DYNC2H1: variants seen among roughly 807,000 people sequenced by gnomAD.
DYNC2H1 encodes dynein cytoplasmic 2 heavy chain 1, also known as cytoplasmic dynein 2 heavy chain 1.
A neutral mutation model predicts 570.0 loss-of-function variants in DYNC2H1; 410 were observed. The ratio of observed to expected loss-of-function variants is 0.72; its 90% CI spans 0.66 to 0.78. DYNC2H1 has a LOEUF of 0.78. Among genes scored for constraint, DYNC2H1 ranks in the 30% least tolerant of loss-of-function variants. The probability of loss-of-function intolerance (pLI) is 0.00; values close to 1 mark genes in which losing one functional copy is unlikely to be tolerated. For missense variants in DYNC2H1, 4,865 were observed against 5,046.4 expected (o/e 0.96, Z 1.09); for synonymous variants, 1,688 against 1,677.6 (o/e 1.01, Z -0.15).
chr11:103,141,779 G>A (rs561297623), intron 17 of DYNC2H1, among the ~76,000 whole-genome samples: 11 of 152,376 alleles, frequency 7.2e-5, no homozygotes, highest in Admixed American at 6.5e-4. Context: ...GGTTACTGCT[G>A]TCTTTTTGTT....
intron 82 of DYNC2H1, among the ~76,000 whole-genome samples, chr11:103,333,758 C>A (rs1427874930): frequency 1.3e-5 from 2 of 151,892 alleles, no homozygotes; most frequent in Non-Finnish European, 2.9e-5. Flanking sequence ...TGTCAAAAAT[C>A]CAATAAATAG....
intron 75 of DYNC2H1, among the ~76,000 whole-genome samples, chr11:103,288,908 A>T: frequency 6.6e-6 from 1 of 150,776 alleles, no homozygotes; most frequent in Non-Finnish European, 1.5e-5. Context: ...AAAGAAAATT[A>T]TGGTTTAGGG....
intron 25 of DYNC2H1, among the ~76,000 whole-genome samples, chr11:103,156,100 A>G (rs1423369626): frequency 6.6e-6 from 1 of 152,060 alleles, no homozygotes; most frequent in African/African-American, 2.4e-5. Flanking sequence ...GTCTTTTGTG[A>G]TGGATGCTTT....
At chr11:103,168,465 C>T (rs2134957376) in intron 31 of DYNC2H1, among the ~76,000 whole-genome samples, 1 of 152,294 alleles carries the variant, frequency 6.6e-6, no homozygotes, top group African/African-American at 2.4e-5. Context: ...TTTATGCCTG[C>T]ATTCAGAGGG....
chr11:103,197,821 G>C (rs1862560774), intron 47 of DYNC2H1, 112 bp from the exon 48 acceptor site: 2 of 1,210,064 alleles, frequency 1.7e-6, no homozygotes, highest in Non-Finnish European at 2.3e-6. Context: ...TGCCCTTCTG[G>C]AGATGATCTT....
At chr11:103,193,539 T>C (rs1253684189) in intron 47 of DYNC2H1, among the ~76,000 whole-genome samples, 1 of 151,990 alleles carries the variant, frequency 6.6e-6, no homozygotes, top group Non-Finnish European at 1.5e-5. Context: ...TTTTCTTTTT[T>C]CTTTTTCTTT....
At chr11:103,421,209 T>A (rs1431509751) in intron 84 of DYNC2H1, among the ~76,000 whole-genome samples, 1 of 151,930 alleles carries the variant, frequency 6.6e-6, no homozygotes, top group Non-Finnish European at 1.5e-5. Context: ...CCCAGATTCA[T>A]AAAGCAAGTT....
chr11:103,164,538 G>C (rs899831607), intron 30 of DYNC2H1, among the ~76,000 whole-genome samples: 1 of 152,102 alleles, frequency 6.6e-6, no homozygotes, highest in Non-Finnish European at 1.5e-5. Flanking sequence ...TTTGGTATGG[G>C]AAGGAGGCAG....
At position 103,311,877 on chromosome 11, in the gene DYNC2H1, G is replaced by A; in HGVS notation, c.11494-1G>A. The A allele has an allele frequency of 6.3e-7, 1 of 1,598,642 alleles. No homozygotes were observed. Among genetic ancestry groups the A allele is most frequent in the African/African-American group, 1.3e-5 (1 of 74,162 alleles). ...AGGATGTCTGTTGATTTTTTTTCTA[G>A]TCACCTCCAGGTTTAAAGAAGAATT... On this transcript the variant is annotated splice_acceptor_variant, in intron 78 of 88. Transcript: ENST00000375735. LOFTEE classifies it high-confidence loss of function.
chr11:103,323,203 T>A (rs1393338795), intron 81 of DYNC2H1, among the ~76,000 whole-genome samples: 1 of 152,176 alleles, frequency 6.6e-6, no homozygotes, highest in African/African-American at 2.4e-5. Flanking sequence ...ACTGAATAAG[T>A]GTTTTTGCCT....
At chr11:103,285,354 G>A (rs902231747) in intron 73 of DYNC2H1, among the ~76,000 whole-genome samples, 1 of 151,978 alleles carries the variant, frequency 6.6e-6, no homozygotes, top group African/African-American at 2.4e-5. Context: ...GCTGGTGAAG[G>A]CAGATCAAGA....
At chr11:103,118,594 A>G (rs1469422326) in intron 6 of DYNC2H1, among the ~76,000 whole-genome samples, 1 of 152,122 alleles carries the variant, frequency 6.6e-6, no homozygotes, top group Non-Finnish European at 1.5e-5. Flanking sequence ...CAATGCCATT[A>G]TCACAGCCAA....
chr11:103,467,739 A>G (rs1432956160), intron 87 of DYNC2H1, among the ~76,000 whole-genome samples: 1 of 152,102 alleles, frequency 6.6e-6, no homozygotes, highest in South Asian at 2.1e-4. Context: ...GGGTTTCACC[A>G]TGTTAGCCAG....
chr11:103,287,461 CATT>C, intron 74 of DYNC2H1, 69 bp from the exon 75 acceptor site: 1 of 1,156,922 alleles, frequency 8.6e-7, no homozygotes, highest in East Asian at 2.6e-5. Context: ...AATTAGTTAA[CATT>C]AATTATTGTT....
At chr11:103,221,979 A>T in intron 57 of DYNC2H1, 51 bp from the exon 58 acceptor site, 5 of 1,581,254 alleles carry the variant, frequency 3.2e-6, no homozygotes, top group Middle Eastern at 1.7e-4. Context: ...TTTTTTTCAG[A>T]AACAGCAAAT....
chr11:103,290,080 G>A (rs896527196), intron 75 of DYNC2H1, among the ~76,000 whole-genome samples: 2 of 152,102 alleles, frequency 1.3e-5, no homozygotes, highest in Non-Finnish European at 2.9e-5. Flanking sequence ...GCACACTCTT[G>A]TCCAGTATGA....
chr11:103,383,668 G>A (rs1490745064), intron 83 of DYNC2H1, among the ~76,000 whole-genome samples: 1 of 144,996 alleles, frequency 6.9e-6, no homozygotes, highest in East Asian at 2.0e-4. Context: ...TAGGGACGGG[G>A]TTTCACCATG....
intron 70 of DYNC2H1, 123 bp downstream of exon 70, chr11:103,260,100 T>G: frequency 3.5e-6 from 2 of 573,232 alleles, no homozygotes; most frequent in Non-Finnish European, 5.5e-6. Context: ...TTTCTGGTAT[T>G]TTTCCAGAAC....
intron 71 of DYNC2H1, 168 bp from the exon 72 acceptor site, chr11:103,282,010 CA>C: frequency 2.0e-6 from 1 of 495,390 alleles, no homozygotes; most frequent in Non-Finnish European, 3.5e-6. Flanking sequence ...TTTATGTTGT[CA>C]CATTAATTCA....
Sources: allele counts gnomAD v4.1 joint callset (sites outside exome capture counted in the v4.1 genomes callset), GRCh38; gene constraint gnomAD v4.1.1; transcripts MANE v1.5; gene names NCBI Gene and HGNC (gene_info 2026-07-23, HGNC 2026-07-21).